The following KIF26B variants were observed in gnomAD, a reference collection of about 807,000 sequenced individuals.
KIF26B encodes the protein kinesin family member 26B.
Under a neutral mutation model 151.2 loss-of-function variants are expected in KIF26B, and 63 were observed. The ratio of observed to expected loss-of-function variants is 0.42; its 90% CI spans 0.34 to 0.51. The LOEUF (loss-of-function observed/expected upper bound fraction) is 0.51, where lower values mean the gene tolerates loss of function less well. KIF26B is among the 20% of genes least tolerant of loss of function. The pLI is 0.07. For missense variants in KIF26B, 2,813 were observed against 2,913.6 expected (o/e 0.97, Z 0.79); for synonymous variants, 1,357 against 1,262.1 (o/e 1.08, Z -1.59).
intron 2 of KIF26B, among the ~76,000 whole-genome samples, chr1:245,309,217 T>C (rs953511452): frequency 1.3e-5 from 2 of 152,184 alleles, no homozygotes; most frequent in Non-Finnish European, 2.9e-5. Flanking sequence ...TCAATGACGT[T>C]GTGATGGTTA....
intron 4 of KIF26B, among the ~76,000 whole-genome samples, chr1:245,449,952 T>C (rs1034014742): frequency 6.6e-6 from 1 of 152,230 alleles, no homozygotes; most frequent in African/African-American, 2.4e-5. Context: ...TTACCCTACG[T>C]GGAATGAGGA....
chr1:245,378,100 TTAAGTTGCG>T (rs1673320040), intron 3 of KIF26B, among the ~76,000 whole-genome samples: 1 of 152,074 alleles, frequency 6.6e-6, no homozygotes, highest in East Asian at 1.9e-4. Context: ...GTAGATAAAT[TTAAGTTGCG>T]AGCCTAATCA....
chr1:245,185,121 T>C (rs1668977476), intron 2 of KIF26B, among the ~76,000 whole-genome samples: 1 of 152,000 alleles, frequency 6.6e-6, no homozygotes, highest in Non-Finnish European at 1.5e-5. Flanking sequence ...CATTCTGCTG[T>C]GTGCTAAGGT....
Position 245,704,256 on chromosome 1 carries a change from C to A in KIF26B, c.*1650C>A, listed in dbSNP as rs1320034451. 1 of 152,296 alleles carries A rather than the reference C, an allele frequency of 6.6e-6. No homozygotes were observed. The highest frequency in any genetic ancestry group is 1.9e-4 in the East Asian group (1 of 5,200). 9.4% of individuals were successfully genotyped at this position (152,296 alleles called of 1,614,324 possible). On this transcript the variant is annotated 3_prime_UTR_variant, in exon 15 of 15. Transcript: ENST00000407071. ...TGAGCCTATTTATTTCCAAGCTAGG[C>A]TGTCTTTATTAACCAACAACTCAGC...
chr1:245,371,772 G>A (rs1439747741), intron 3 of KIF26B: 2 of 152,034 alleles, frequency 1.3e-5, no homozygotes, highest in Middle Eastern at 3.2e-3. Flanking sequence ...CCTCCAGAAA[G>A]ACCAGGAACC....
chr1:245,460,246 G>A (rs12734214), intron 4 of KIF26B, among the ~76,000 whole-genome samples: 15,795 of 152,250 alleles, frequency 0.1, 1,093 homozygotes, highest in Non-Finnish European at 0.15. Context: ...GATTACAGGC[G>A]TGAGCCACCA....
intron 4 of KIF26B, among the ~76,000 whole-genome samples, chr1:245,501,572 C>A (rs898624660): frequency 6.6e-6 from 1 of 152,188 alleles, no homozygotes; most frequent in Non-Finnish European, 1.5e-5. Flanking sequence ...GTTATCATGC[C>A]TGCAGAGGTA....
Position 245,694,273 on chromosome 1 carries a change from A to C in KIF26B, c.5825-3833A>C, listed in dbSNP as rs562417604. Among the ~76,000 whole-genome samples, 22 of 152,314 alleles carry C rather than the reference A, an allele frequency of 1.4e-4. No individual in the cohort carries two copies. In the South Asian group the frequency reaches 4.4e-3, roughly 30 times the overall value. On this transcript the variant is annotated intron_variant, in intron 12 of 14. Coordinates refer to ENST00000407071, the MANE Select transcript of KIF26B (RefSeq NM_018012.4). ...CTTCCTGGTCAACAAAATCACATGG[A>C]TTGATTCACATTCTCTTTCTCTCTC... is the stretch of plus-strand genomic sequence containing the variant.
At chr1:245,373,783 T>C (rs893622194) in intron 3 of KIF26B, among the ~76,000 whole-genome samples, 2 of 151,884 alleles carry the variant, frequency 1.3e-5, no homozygotes, top group African/African-American at 2.4e-5. Context: ...GAGCACAGTC[T>C]GGGCACGGTG....
At chr1:245,616,559 T>C (rs1377033347) in intron 9 of KIF26B, among the ~76,000 whole-genome samples, 1 of 152,254 alleles carries the variant, frequency 6.6e-6, no homozygotes, top group East Asian at 1.9e-4. Context: ...ACAGATTTCA[T>C]GTATGTTTCA....
rs1481915810 is a variant in KIF26B, at chr1:245,287,505, T to C, written c.466-79329T>C. Among the ~76,000 whole-genome samples, 334 of 148,740 alleles carry C rather than the reference T, an allele frequency of 2.2e-3. 4 individuals are homozygous for C. Among genetic ancestry groups the C allele is most frequent in the African/African-American group, 7.7e-3 (313 of 40,404 alleles). On this transcript the variant is annotated intron_variant, in intron 2 of 14. Coordinates refer to ENST00000407071, the MANE Select transcript of KIF26B (RefSeq NM_018012.4). ...TGTCTCATCTCTCTCTCTCTTTTTT[T>C]TTTTTTTTTTTTCCTGTGGCGGAGT...
At chr1:245,490,373 G>C in intron 4 of KIF26B, among the ~76,000 whole-genome samples, 1 of 143,392 alleles carries the variant, frequency 7.0e-6, no homozygotes, top group South Asian at 2.2e-4. Context: ...GTGCAGTGGC[G>C]CGATCTCGGC....
intron 3 of KIF26B, among the ~76,000 whole-genome samples, chr1:245,405,281 G>C (rs764321908): frequency 6.6e-5 from 10 of 152,200 alleles, no homozygotes; most frequent in Non-Finnish European, 7.4e-5. Flanking sequence ...AAAGGGAATA[G>C]GCAGAAGAAC....
At chr1:245,382,833 G>A (rs1046281202) in intron 3 of KIF26B, among the ~76,000 whole-genome samples, 1 of 151,856 alleles carries the variant, frequency 6.6e-6, no homozygotes, top group African/African-American at 2.4e-5. Context: ...CTCCCAAAGT[G>A]CTGGGATTAC....
At position 245,189,872 on chromosome 1, in the gene KIF26B, G is replaced by T. The variant is rs922049868; in HGVS notation, c.465+33189G>T. ...GGGAGGCCTCACAATCATGGTGGAA[G>T]GTGAAAGTCACGTCTTACATGGTGG... is the stretch of plus-strand genomic sequence containing the variant. On this transcript the variant is annotated intron_variant, in intron 2 of 14. Transcript: ENST00000407071. Among the ~76,000 whole-genome samples the T allele has an allele frequency of 5.9e-5, 9 of 152,318 alleles. No individual in the cohort carries two copies. In the South Asian group the frequency reaches 1.0e-3, roughly 18 times the overall value.
intron 10 of KIF26B, among the ~76,000 whole-genome samples, chr1:245,652,549 GTTA>G (rs2044031189): frequency 6.6e-6 from 1 of 152,118 alleles, no homozygotes; most frequent in Admixed American, 6.5e-5. Flanking sequence ...TCGAGAGATT[GTTA>G]TTATTTTCTT....
chr1:245,566,105 C>T (rs1281783039), intron 5 of KIF26B, among the ~76,000 whole-genome samples: 2 of 152,238 alleles, frequency 1.3e-5, no homozygotes, highest in African/African-American at 4.8e-5. Flanking sequence ...AGTCACCTCC[C>T]AGCAGGCCCC....
intron 2 of KIF26B, among the ~76,000 whole-genome samples, chr1:245,278,962 A>G (rs530683498): frequency 6.6e-6 from 1 of 152,300 alleles, no homozygotes; most frequent in African/African-American, 2.4e-5. Flanking sequence ...CACTAAGCCC[A>G]CAGCCCAGGC....
intron 3 of KIF26B, among the ~76,000 whole-genome samples, chr1:245,411,701 T>C (rs1173642): frequency 0.49 from 74,649 of 151,900 alleles, 18,939 homozygotes; most frequent in South Asian, 0.63. Flanking sequence ...GAGACCCCTC[T>C]GCCAGATACA....
Sources: allele counts gnomAD v4.1 joint callset (sites outside exome capture counted in the v4.1 genomes callset), GRCh38; gene constraint gnomAD v4.1.1; transcripts MANE v1.5; gene names NCBI Gene and HGNC (gene_info 2026-07-23, HGNC 2026-07-21).